IL1RAPL1: variants seen among roughly 807,000 people sequenced by gnomAD.
IL1RAPL1 encodes interleukin 1 receptor accessory protein like 1.
IL1RAPL1 carries 3 observed loss-of-function variants against 48.4 expected under a neutral mutation model. That is an observed-to-expected ratio of 0.06 (90% CI 0.03 to 0.16). The LOEUF (loss-of-function observed/expected upper bound fraction) is 0.16. Among genes scored for constraint, IL1RAPL1 ranks in the 10% least tolerant of loss-of-function variants. IL1RAPL1 has a pLI of 1.00. For synonymous variants in IL1RAPL1, 185 were observed against 187.7 expected, an observed-to-expected ratio of 0.99 and a Z score of 0.12; for missense variants, 349 against 530.6, an observed-to-expected ratio of 0.66 and a Z score of 3.36.
intron 6 of IL1RAPL1, among the ~76,000 whole-genome samples, chrX:29,916,503 G>C (rs1932801583): frequency 9.0e-6 from 1 of 111,577 alleles, no homozygotes; most frequent in South Asian, 3.8e-4. Context: ...CCCTCACGTG[G>C]TGCCCATCCC....
chrX:29,523,454 T>G (rs777111462), intron 5 of IL1RAPL1, among the ~76,000 whole-genome samples: 25 of 111,955 alleles, frequency 2.2e-4, no homozygotes, highest in Middle Eastern at 9.2e-3. Flanking sequence ...CAAAATTTGT[T>G]AAGTCATTTC....
At chrX:29,810,184 TTTTTA>T (rs60634386) in intron 6 of IL1RAPL1, among the ~76,000 whole-genome samples, 3,255 of 110,254 alleles carry the variant, frequency 0.03, 129 homozygotes, top group African/African-American at 0.1. Context: ...TATTTATTTA[TTTTTA>T]TTTTATTTTA....
chrX:28,738,366 A>G (rs1256887493), intron 1 of IL1RAPL1, among the ~76,000 whole-genome samples: 1 of 111,895 alleles, frequency 8.9e-6, no homozygotes, highest in Non-Finnish European at 1.9e-5. Flanking sequence ...GTGATATAGC[A>G]GAGAACAAAA....
chrX:28,761,628 T>A (rs1936173924), intron 1 of IL1RAPL1, among the ~76,000 whole-genome samples: 1 of 111,454 alleles, frequency 9.0e-6, no homozygotes, highest in Non-Finnish European at 1.9e-5. Flanking sequence ...GCTGGAAAAC[T>A]ACCTGTTGGG....
At chrX:28,685,867 T>A (rs1282747458) in intron 1 of IL1RAPL1, among the ~76,000 whole-genome samples, 2 of 112,137 alleles carry the variant, frequency 1.8e-5, no homozygotes, top group Non-Finnish European at 3.8e-5. Flanking sequence ...TGTATTTTTC[T>A]GAAGTATGGC....
At chrX:28,691,358 G>A (rs1386457928) in intron 1 of IL1RAPL1, among the ~76,000 whole-genome samples, 2 of 111,637 alleles carry the variant, frequency 1.8e-5, no homozygotes, top group East Asian at 5.6e-4. Flanking sequence ...ATTTACTTCA[G>A]TGTTATAGCC....
In IL1RAPL1 at chrX:29,941,804, T is replaced by C. The variant is rs1454810333; in HGVS notation, c.1201+10T>C. 1 of 1,201,205 alleles carries C rather than the reference T, an allele frequency of 8.3e-7. No homozygotes were observed. On this transcript the variant is annotated intron_variant, in intron 9 of 10. Coordinates refer to ENST00000378993, the MANE Select transcript of IL1RAPL1 (RefSeq NM_014271.4). ...GAAGAGCTCGATGGAGGTAGGATGT[T>C]ACCTCTTTTATTGTTCTTTCTGAAT...
chrX:29,691,728 G>C (rs184333717), intron 6 of IL1RAPL1, among the ~76,000 whole-genome samples: 1 of 90,715 alleles, frequency 1.1e-5, no homozygotes, highest in African/African-American at 4.6e-5. Flanking sequence ...TCCGGCCTGG[G>C]CGACAGAGCG....
chrX:29,726,995 T>G (rs1927789964), intron 6 of IL1RAPL1, among the ~76,000 whole-genome samples: 1 of 111,929 alleles, frequency 8.9e-6, no homozygotes, highest in Non-Finnish European at 1.9e-5. Flanking sequence ...GACTGCATTC[T>G]TTCTGGCTTT....
intron 6 of IL1RAPL1, among the ~76,000 whole-genome samples, chrX:29,853,819 G>A: frequency 9.0e-6 from 1 of 111,493 alleles, no homozygotes; most frequent in Non-Finnish European, 1.9e-5. Context: ...TTGGGTGACT[G>A]ATTATCTGTC....
intron 3 of IL1RAPL1, among the ~76,000 whole-genome samples, chrX:29,373,855 CCT>C (rs1486839260): frequency 1.9e-5 from 1 of 53,762 alleles, no homozygotes; most frequent in Non-Finnish European, 4.1e-5. Context: ...GTTGTGATGA[CCT>C]CTCTTTTTAA....
At chrX:28,897,722 G>A (rs1400393010) in intron 2 of IL1RAPL1, among the ~76,000 whole-genome samples, 2 of 112,135 alleles carry the variant, frequency 1.8e-5, no homozygotes, top group Admixed American at 9.4e-5. Flanking sequence ...TTTCACTCGC[G>A]TCTGTGTGAA....
chrX:28,775,198 G>C (rs758051011), intron 1 of IL1RAPL1, among the ~76,000 whole-genome samples: 1 of 111,526 alleles, frequency 9.0e-6, no homozygotes, highest in Non-Finnish European at 1.9e-5. Flanking sequence ...CCACAAACAG[G>C]GTAGCTTGAA....
intron 3 of IL1RAPL1, among the ~76,000 whole-genome samples, chrX:29,383,768 G>A (rs1330474313): frequency 1.8e-5 from 2 of 111,688 alleles, no homozygotes; most frequent in Admixed American, 9.5e-5. Context: ...GAATGGAAAG[G>A]AAACCAACTG....
At chrX:28,937,256 C>T (rs907251318) in intron 2 of IL1RAPL1, among the ~76,000 whole-genome samples, 1 of 111,339 alleles carries the variant, frequency 9.0e-6, no homozygotes, top group Non-Finnish European at 1.9e-5. Flanking sequence ...AGCACAGTAA[C>T]TTGTACTCTA....
chrX:28,770,589 T>C (rs889028669), intron 1 of IL1RAPL1, among the ~76,000 whole-genome samples: 1 of 112,634 alleles, frequency 8.9e-6, no homozygotes, highest in African/African-American at 3.2e-5. Flanking sequence ...GAATACTTTC[T>C]AGCTCTTAGT....
chrX:29,476,167 C>A (rs1934971252), intron 5 of IL1RAPL1, among the ~76,000 whole-genome samples: 2 of 111,126 alleles, frequency 1.8e-5, no homozygotes, highest in African/African-American at 6.5e-5. Context: ...AAGGACTGAA[C>A]AAGATATCTC....
intron 2 of IL1RAPL1, among the ~76,000 whole-genome samples, chrX:28,820,407 G>A (rs1206705498): frequency 9.0e-6 from 1 of 110,738 alleles, no homozygotes; most frequent in East Asian, 2.9e-4. Context: ...TGCAGAGCCT[G>A]GATTACCACT....
intron 5 of IL1RAPL1, among the ~76,000 whole-genome samples, chrX:29,568,679 T>C (rs995998117): frequency 1.8e-5 from 2 of 111,355 alleles, no homozygotes; most frequent in Non-Finnish European, 3.8e-5. Flanking sequence ...GAGGACATTA[T>C]TAAGAAAAAT....
Sources: allele counts gnomAD v4.1 joint callset (sites outside exome capture counted in the v4.1 genomes callset), GRCh38; gene constraint gnomAD v4.1.1; transcripts MANE v1.5; gene names NCBI Gene and HGNC (gene_info 2026-07-23, HGNC 2026-07-21).